Variants in USP15 observed in about 807,000 individuals in gnomAD.
USP15 encodes ubiquitin carboxyl-terminal hydrolase 15.
Under a neutral mutation model 127.1 loss-of-function variants are expected in USP15, and 18 were observed. That is an observed-to-expected ratio of 0.14 (90% CI 0.10 to 0.21). The LOEUF is 0.21. Ranked by LOEUF, USP15 falls within the 10% of genes least tolerant of loss-of-function variation. The pLI is 1.00. For synonymous variants in USP15, 364 were observed against 393.7 expected, an observed-to-expected ratio of 0.92 and a Z score of 0.89; for missense variants, 805 against 1,159.9, an observed-to-expected ratio of 0.69 and a Z score of 4.44.
chr12:62,266,135 G>T (rs1031271067), intron 1 of USP15, among the ~76,000 whole-genome samples: 6 of 152,068 alleles, frequency 3.9e-5, no homozygotes, highest in Non-Finnish European at 7.4e-5. Context: ...AAAATTTGAG[G>T]TCATTTACTA....
At chr12:62,304,837 A>G (rs1184417647) in intron 3 of USP15, 7 of 286,972 alleles carry the variant, frequency 2.4e-5, no homozygotes, top group Non-Finnish European at 5.0e-5. Flanking sequence ...GCTTAAAAAA[A>G]AAAAAAAAGG....
rs2067883534 is a variant in USP15 at position 62,406,888 on chromosome 12, C to G, written c.*2513C>G. The G allele has an allele frequency of 6.6e-6, 1 of 151,796 alleles. No individual in the cohort carries two copies. 9.4% of individuals were successfully genotyped at this position (151,796 alleles called of 1,614,324 possible). On this transcript the variant is annotated 3_prime_UTR_variant, in exon 22 of 22. Transcript: ENST00000280377. ...GCTGAGGTGAGAGAATTGCTTGAGC[C>G]CAGGCAGTCAAGGCCGCAGTTAGCC...
intron 8 of USP15, among the ~76,000 whole-genome samples, chr12:62,379,852 T>G (rs940307387): frequency 4.6e-5 from 7 of 152,050 alleles, no homozygotes; most frequent in African/African-American, 1.7e-4. Context: ...TGGATCTCCC[T>G]TTAGTGCTGG....
intron 4 of USP15, among the ~76,000 whole-genome samples, chr12:62,318,595 C>T (rs1427376902): frequency 6.6e-6 from 1 of 152,060 alleles, no homozygotes; most frequent in Non-Finnish European, 1.5e-5. Context: ...CTTTTGTTCT[C>T]CTGGCTTTAA....
intron 9 of USP15, among the ~76,000 whole-genome samples, chr12:62,382,515 T>C (rs913813916): frequency 2.0e-5 from 3 of 152,008 alleles, no homozygotes; most frequent in African/African-American, 7.2e-5. Context: ...TTCTAAACTT[T>C]GGACAAACTA....
At chr12:62,367,782 T>C (rs953979751) in intron 8 of USP15, among the ~76,000 whole-genome samples, 7 of 152,180 alleles carry the variant, frequency 4.6e-5, no homozygotes, top group Non-Finnish European at 7.3e-5. Flanking sequence ...ATTGATTTTT[T>C]TGAAAGGTTT....
chr12:62,350,892 T>A (rs867918508), intron 7 of USP15, among the ~76,000 whole-genome samples: 41 of 152,146 alleles, frequency 2.7e-4, no homozygotes, highest in African/African-American at 9.7e-4. Context: ...TCCCAAGTGC[T>A]GAGATTGCAG....
chr12:62,290,995 A>C (rs2063948558), intron 1 of USP15, among the ~76,000 whole-genome samples: 1 of 151,932 alleles, frequency 6.6e-6, no homozygotes, highest in African/African-American at 2.4e-5. Context: ...TGTTAGTCTG[A>C]TGGAGTTTCC....
At chr12:62,312,093 G>T (rs929272511) in intron 3 of USP15, among the ~76,000 whole-genome samples, 1 of 151,594 alleles carries the variant, frequency 6.6e-6, no homozygotes, top group African/African-American at 2.4e-5. Context: ...ACCGTTATCT[G>T]TTCTCACTCA....
intron 6 of USP15, among the ~76,000 whole-genome samples, chr12:62,348,860 G>A (rs1054950978): frequency 2.6e-5 from 4 of 152,100 alleles, no homozygotes; most frequent in African/African-American, 9.7e-5. Context: ...TGGTGTACCA[G>A]TGAGAAACAA....
At chr12:62,337,161 A>G (rs1325921894) in intron 6 of USP15, among the ~76,000 whole-genome samples, 4 of 152,184 alleles carry the variant, frequency 2.6e-5, no homozygotes, top group East Asian at 1.9e-4. Flanking sequence ...CCAAGATTCT[A>G]ATTCTTCATC....
At chr12:62,298,616 G>T (rs2064206239) in intron 2 of USP15, among the ~76,000 whole-genome samples, 1 of 151,982 alleles carries the variant, frequency 6.6e-6, no homozygotes, top group Admixed American at 6.6e-5. Flanking sequence ...AGCAAGCTGA[G>T]ATCATGCTAC....
In USP15 at chr12:62,375,671, A is replaced by C. The variant is rs117401530; in HGVS notation, c.916-5819A>C. 9.5e-3 allele frequency among the ~76,000 whole-genome samples: 1,454 copies of C among 152,306 alleles called. 11 individuals carry two copies. Among genetic ancestry groups the C allele is most frequent in the Non-Finnish European group, 0.014 (925 of 68,020 alleles). On this transcript the variant is annotated intron_variant, in intron 8 of 21. Transcript: ENST00000280377. ...AATAAATAGGAATTTCTTATAGGGGATGAATATTCTAAGAAAGGCAAGAGT... is the reference window on the plus strand; with the variant it reads ...AATAAATAGGAATTTCTTATAGGGGCTGAATATTCTAAGAAAGGCAAGAGT...
At chr12:62,369,957 A>G (rs1405329343) in intron 8 of USP15, among the ~76,000 whole-genome samples, 1 of 151,502 alleles carries the variant, frequency 6.6e-6, no homozygotes, top group Admixed American at 6.6e-5. Context: ...TCCCTTGTTT[A>G]CTCTTTGTTT....
chr12:62,321,117 A>G (rs1440930243), intron 4 of USP15, among the ~76,000 whole-genome samples: 1 of 152,154 alleles, frequency 6.6e-6, no homozygotes, highest in Non-Finnish European at 1.5e-5. Context: ...ATCATACTTT[A>G]ATTTCTAATT....
intron 3 of USP15, among the ~76,000 whole-genome samples, chr12:62,310,128 G>A (rs573008648): frequency 1.3e-5 from 2 of 152,092 alleles, no homozygotes; most frequent in Non-Finnish European, 2.9e-5. Context: ...TATAAGGGCA[G>A]TATAGGGAAA....
At chr12:62,370,552 A>C (rs2066629936) in intron 8 of USP15, among the ~76,000 whole-genome samples, 1 of 152,180 alleles carries the variant, frequency 6.6e-6, no homozygotes, top group Admixed American at 6.5e-5. Flanking sequence ...AATGAAGATA[A>C]AGTGCTTAGG....
chr12:62,357,961 C>G (rs2066188298), intron 8 of USP15, among the ~76,000 whole-genome samples: 1 of 151,988 alleles, frequency 6.6e-6, no homozygotes. Context: ...TTGTCAGATA[C>G]TATTTCTTCA....
At chr12:62,393,410 A>G (rs1011777259) in intron 19 of USP15, among the ~76,000 whole-genome samples, 1 of 152,208 alleles carries the variant, frequency 6.6e-6, no homozygotes, top group African/African-American at 2.4e-5. Flanking sequence ...GATCAAAGAG[A>G]AAATATACTT....
Sources: gnomAD v4.1 joint callset for allele counts (sites outside exome capture counted in the v4.1 genomes callset) on GRCh38, gnomAD v4.1.1 for gene constraint, MANE v1.5 for transcripts, NCBI Gene and HGNC (gene_info 2026-07-23, HGNC 2026-07-21) for gene names.